Variants in CNTNAP2 observed in about 807,000 individuals in gnomAD.
The protein encoded by CNTNAP2 is contactin associated protein 2.
Under a neutral mutation model 155.2 loss-of-function variants are expected in CNTNAP2, and 98 were observed. The ratio of observed to expected loss-of-function variants is 0.63; its 90% confidence interval spans 0.54 to 0.75. CNTNAP2 has a LOEUF of 0.75. Ranked by LOEUF, CNTNAP2 falls within the 30% of genes least tolerant of loss-of-function variation. The probability of loss-of-function intolerance (pLI) is 0.00; values close to 1 mark genes in which losing one functional copy is unlikely to be tolerated. For missense variants in CNTNAP2, 1,727 were observed against 1,688.1 expected (o/e 1.02, Z -0.40); for synonymous variants, 651 against 631.2 (o/e 1.03, Z -0.47).
intron 1 of CNTNAP2, among the ~76,000 whole-genome samples, chr7:146,184,938 C>G (rs1318520778): frequency 6.6e-6 from 1 of 152,142 alleles, no homozygotes; most frequent in African/African-American, 2.4e-5. Flanking sequence ...CTCTCTTTCC[C>G]TCCATATTCA....
intron 15 of CNTNAP2, among the ~76,000 whole-genome samples, chr7:148,010,063 A>G (rs1027556625): frequency 2.0e-5 from 3 of 152,036 alleles, no homozygotes; most frequent in African/African-American, 7.2e-5. Context: ...TTTTGACTCA[A>G]CTTGCTCCAT....
At chr7:146,778,534 A>G (rs1289528814) in intron 2 of CNTNAP2, among the ~76,000 whole-genome samples, 2 of 152,096 alleles carry the variant, frequency 1.3e-5, no homozygotes, top group African/African-American at 4.8e-5. Flanking sequence ...TTATCCCCAC[A>G]TTTTTAATCC....
intron 21 of CNTNAP2, among the ~76,000 whole-genome samples, chr7:148,289,138 C>T (rs769147448): frequency 6.6e-6 from 1 of 152,054 alleles, no homozygotes; most frequent in African/African-American, 2.4e-5. Flanking sequence ...CAGCTCAGCG[C>T]TCTCAGAAAT....
At chr7:147,640,931 C>T (rs1795264216) in intron 13 of CNTNAP2, among the ~76,000 whole-genome samples, 1 of 152,164 alleles carries the variant, frequency 6.6e-6, no homozygotes, top group Non-Finnish European at 1.5e-5. Context: ...AGGGGGAAAA[C>T]TGGCCCTCCC....
chr7:146,911,865 A>G (rs1796290439), intron 3 of CNTNAP2, among the ~76,000 whole-genome samples: 1 of 152,308 alleles, frequency 6.6e-6, no homozygotes, highest in Non-Finnish European at 1.5e-5. Context: ...TATAACCATT[A>G]TATATAATAC....
chr7:146,339,691 A>G (rs1801340428), intron 1 of CNTNAP2, among the ~76,000 whole-genome samples: 1 of 152,188 alleles, frequency 6.6e-6, no homozygotes, highest in African/African-American at 2.4e-5. Context: ...AATTATGAAT[A>G]AACAAAAGTA....
At position 147,128,634 on chromosome 7, in the gene CNTNAP2, T is replaced by C. The variant is rs920771807; in HGVS notation, c.940-59T>C. On this transcript the variant is annotated intron_variant, in intron 6 of 23. Transcript: ENST00000361727. ...ACTTGACCTTCACTGTATTCATAGTTTTGTCTAGTTCATCATAATACAATG... is the reference window on the plus strand; with the variant it reads ...ACTTGACCTTCACTGTATTCATAGTCTTGTCTAGTTCATCATAATACAATG... The C allele has an allele frequency of 1.3e-5, 20 of 1,592,432 alleles. No individual in the cohort carries two copies. The Admixed American group carries it at 3.2e-4, about 25-fold the overall frequency.
At chr7:146,156,761 C>A (rs1413464615) in intron 1 of CNTNAP2, among the ~76,000 whole-genome samples, 1 of 152,148 alleles carries the variant, frequency 6.6e-6, no homozygotes, top group Non-Finnish European at 1.5e-5. Context: ...TGCCCCACAC[C>A]TGGCTAATTT....
rs35142261 is a variant in CNTNAP2 at position 146,498,681 on chromosome 7, CAA to C, written c.98-275577_98-275576del. 7.7e-3 allele frequency among the ~76,000 whole-genome samples: 1,086 copies of C among 140,308 alleles called. 13 individuals carry two copies. Among genetic ancestry groups the C allele is most frequent in the African/African-American group, 0.025 (981 of 39,590 alleles). The allele number at this position is 140,308 out of a possible 152,430, so 92.0% of individuals were successfully genotyped here. A position where few individuals can be genotyped will look rare whatever the true frequency, so the allele number is the denominator to read the frequency against. ...ACAAAGTTGTATAGGAAGAAAGTTGCAAAAAAAAAAAAAATCCTGTCGGTTCA... is the reference window on the plus strand; with the variant it reads ...ACAAAGTTGTATAGGAAGAAAGTTGCAAAAAAAAAAAATCCTGTCGGTTCA... On this transcript the variant is annotated intron_variant, in intron 1 of 23. Transcript: ENST00000361727.
chr7:147,253,187 G>A (rs1037480128), intron 8 of CNTNAP2, among the ~76,000 whole-genome samples: 6 of 151,858 alleles, frequency 4.0e-5, no homozygotes, highest in African/African-American at 1.2e-4. Flanking sequence ...TTTCTGTTAC[G>A]GTCCTCGGTC....
chr7:146,438,205 A>G (rs1378531899), intron 1 of CNTNAP2, among the ~76,000 whole-genome samples: 1 of 151,438 alleles, frequency 6.6e-6, no homozygotes, highest in East Asian at 1.9e-4. Context: ...ATATAATAAA[A>G]AACTCTTAGT....
chr7:147,407,360 C>A (rs953021843), intron 10 of CNTNAP2, among the ~76,000 whole-genome samples: 1 of 149,460 alleles, frequency 6.7e-6, no homozygotes, highest in African/African-American at 2.5e-5. Context: ...CCCAGCTACT[C>A]GGGAGGCTGA....
chr7:147,436,049 C>T (rs34993596), intron 10 of CNTNAP2, among the ~76,000 whole-genome samples: 28,448 of 151,814 alleles, frequency 0.19, 3,207 homozygotes, highest in Non-Finnish European at 0.25. Context: ...TAAACGTAAA[C>T]AACAATGGTG....
intron 7 of CNTNAP2, among the ~76,000 whole-genome samples, chr7:147,131,028 A>G (rs891092209): frequency 2.0e-5 from 3 of 148,178 alleles, no homozygotes; most frequent in Non-Finnish European, 4.5e-5. Context: ...AGCATCAGGT[A>G]TATATATATA....
intron 13 of CNTNAP2, among the ~76,000 whole-genome samples, chr7:147,884,940 A>T (rs1447111590): frequency 6.6e-6 from 1 of 152,232 alleles, no homozygotes; most frequent in Non-Finnish European, 1.5e-5. Context: ...ACTAAATAGC[A>T]GGCTTGATAT....
chr7:146,889,619 G>A (rs1795737830), intron 3 of CNTNAP2, among the ~76,000 whole-genome samples: 1 of 151,916 alleles, frequency 6.6e-6, no homozygotes, highest in South Asian at 2.1e-4. Context: ...TTGTTTTTTA[G>A]TTGAATCGAA....
intron 13 of CNTNAP2, chr7:147,671,574 T>G (rs1795787188): frequency 6.6e-6 from 1 of 152,180 alleles, no homozygotes; most frequent in Admixed American, 6.5e-5. Context: ...AATTATGAAT[T>G]TCCTGAAAGT....
chr7:148,097,339 GT>G (rs1803993559), intron 15 of CNTNAP2, among the ~76,000 whole-genome samples: 1 of 48,062 alleles, frequency 2.1e-5, no homozygotes. Context: ...CGTGTCATTT[GT>G]AAAAAAAAAA....
chr7:147,127,618 T>C (rs1255730746), intron 6 of CNTNAP2, among the ~76,000 whole-genome samples: 1 of 152,158 alleles, frequency 6.6e-6, no homozygotes, highest in Admixed American at 6.6e-5. Context: ...CAGGCTCAAG[T>C]TAACAGATTC....
Sources: gnomAD v4.1 joint callset for allele counts (sites outside exome capture counted in the v4.1 genomes callset) on GRCh38, gnomAD v4.1.1 for gene constraint, MANE v1.5 for transcripts, NCBI Gene and HGNC (gene_info 2026-07-23, HGNC 2026-07-21) for gene names.